The following SASH1 variants were observed in gnomAD, a reference collection of about 807,000 sequenced individuals.
SASH1 encodes SAM and SH3 domain-containing protein 1.
In SASH1, 44 loss-of-function variants were observed where a neutral mutation model predicts 125.2. The observed-to-expected ratio is 0.35, with a 90% CI of 0.28 to 0.45. SASH1 has a LOEUF of 0.45. SASH1 is among the 20% of genes least tolerant of loss of function. The pLI is 1.00. For synonymous variants in SASH1, 639 were observed against 649.1 expected, an observed-to-expected ratio of 0.98 and a Z score of 0.24; for missense variants, 1,426 against 1,614.5, an observed-to-expected ratio of 0.88 and a Z score of 2.00.
In SASH1 at chr6:148,552,006, A is replaced by G. The variant is rs1782895223; in HGVS notation, c.*3448A>G. ...AAACTTGTCTATAATTATGTCATCT[A>G]TGTACCTAGAAAAAAGTAAATAAAT... On this transcript the variant is annotated 3_prime_UTR_variant, in exon 20 of 20. Transcript: ENST00000367467. The G allele has an allele frequency of 6.6e-6, 1 of 152,664 alleles. No individual in the cohort carries two copies. The highest frequency in any genetic ancestry group is 1.5e-5 in the Non-Finnish European group (1 of 68,042). 9.5% of individuals were successfully genotyped at this position (152,664 alleles called of 1,614,324 possible).
At chr6:148,491,028 C>T (rs1271897165) in intron 8 of SASH1, among the ~76,000 whole-genome samples, 1 of 152,212 alleles carries the variant, frequency 6.6e-6, no homozygotes, top group Non-Finnish European at 1.5e-5. Context: ...GTTCCTTGCT[C>T]TCTGAAACTT....
At chr6:148,304,148 C>CA (rs1283491218) in intron 1 of SASH1, among the ~76,000 whole-genome samples, 4 of 151,804 alleles carry the variant, frequency 2.6e-5, no homozygotes, top group African/African-American at 4.8e-5. Flanking sequence ...GCTAAAAATA[C>CA]AAAAAAATGG....
rs962915979 is a variant in SASH1, at chr6:148,336,266, A to G, written n.75-53868A>G. Among the ~76,000 whole-genome samples the G allele has an allele frequency of 9.6e-5, 13 of 134,844 alleles. No homozygotes were observed. The East Asian group carries it at 2.9e-3, about 30-fold the overall frequency. The allele number at this position is 134,844 out of a possible 152,430, so 88.5% of individuals were successfully genotyped here. A position where few individuals can be genotyped will look rare whatever the true frequency, so the allele number is the denominator to read the frequency against. On this transcript the variant is annotated intron_variant and non_coding_transcript_variant, in intron 1 of 3. Transcript: ENST00000367469. ...TCTCGGCTCACTGCGAGCTCTACCT[A>G]CCTGGTTCAAGAGATTCTCCTGCCT...
intron 2 of SASH1, among the ~76,000 whole-genome samples, chr6:148,396,932 C>T (rs1207743528): frequency 2.0e-5 from 3 of 152,230 alleles, no homozygotes; most frequent in South Asian, 2.1e-4. Flanking sequence ...GATTTCTTTC[C>T]GTTCCTTTCT....
chr6:148,408,698 T>C (rs1177230584), intron 2 of SASH1, among the ~76,000 whole-genome samples: 1 of 152,238 alleles, frequency 6.6e-6, no homozygotes, highest in African/African-American at 2.4e-5. Context: ...GTTTATTCTT[T>C]TGTTGCCTGT....
At chr6:148,498,610 A>AGT (rs1583258366) in intron 8 of SASH1, among the ~76,000 whole-genome samples, 1 of 152,208 alleles carries the variant, frequency 6.6e-6, no homozygotes, top group East Asian at 1.9e-4. Context: ...GACCTATAAA[A>AGT]GTGGTGATTT....
chr6:148,454,995 A>G (rs1407190771), intron 4 of SASH1, among the ~76,000 whole-genome samples: 1 of 152,174 alleles, frequency 6.6e-6, no homozygotes, highest in African/African-American at 2.4e-5. Flanking sequence ...CACTTGTTTT[A>G]TCGTATTACT....
chr6:148,512,645 T>G (rs1780212162), intron 8 of SASH1: 1 of 983,708 alleles, frequency 1.0e-6, no homozygotes, highest in African/African-American at 1.7e-5. Flanking sequence ...ATATTTTTAG[T>G]TTTAAGCCTA....
intron 8 of SASH1, among the ~76,000 whole-genome samples, chr6:148,510,333 G>A (rs992312582): frequency 2.0e-5 from 3 of 152,174 alleles, no homozygotes; most frequent in Admixed American, 1.3e-4. Flanking sequence ...AAGGTTTTCT[G>A]GTGAGGAGCT....
intron 1 of SASH1, among the ~76,000 whole-genome samples, chr6:148,315,777 G>A (rs7451122): frequency 0.28 from 42,485 of 151,942 alleles, 6,170 homozygotes; most frequent in African/African-American, 0.38. Flanking sequence ...GGTGGTGCAC[G>A]CTTGTAGTCC....
chr6:148,437,180 A>AT (rs1776327579), intron 2 of SASH1, among the ~76,000 whole-genome samples: 1 of 152,216 alleles, frequency 6.6e-6, no homozygotes, highest in South Asian at 2.1e-4. Context: ...GTGTTATAAT[A>AT]ACGGAATTTT....
chr6:148,474,259 C>T (rs1453192375), intron 7 of SASH1, 37 bp downstream of exon 7: 2 of 1,323,600 alleles, frequency 1.5e-6, no homozygotes, highest in East Asian at 2.5e-5. Context: ...TTTGTGAGGA[C>T]TTGACTTTCT....
At chr6:148,387,636 CTTTCTTTCTTTCTTTCTT>C (rs1783497368) in intron 1 of SASH1, among the ~76,000 whole-genome samples, 1 of 37,844 alleles carries the variant, frequency 2.6e-5, no homozygotes, top group African/African-American at 9.1e-5. Flanking sequence ...TTCTTTCTTT[CTTTCTTTCTTTCTTTCTT>C]TCTTTCTTTC....
chr6:148,210,477 G>A, the SASH1 span, among the ~76,000 whole-genome samples: 11 of 152,224 alleles, frequency 7.2e-5, no homozygotes, highest in African/African-American at 2.7e-4. Flanking sequence ...AGGTTGCAGT[G>A]AGCCAAGATC....
intron 1 of SASH1, chr6:148,380,060 C>A: frequency 2.2e-6 from 1 of 446,488 alleles, no homozygotes. Context: ...CACCAAGAAA[C>A]AGTTGCTTCA....
chr6:148,439,785 A>G lies in SASH1; in HGVS notation c.286-399A>G, dbSNP rs572501982. ...AGCTAGACTCTGTCTCAAAAAAAAA[A>G]AAAATTGGATTGGAAGTCTAGTGTC... On this transcript the variant is annotated intron_variant, in intron 2 of 19. Coordinates refer to ENST00000367467, the MANE Select transcript of SASH1 (RefSeq NM_015278.5). Among the ~76,000 whole-genome samples the G allele has an allele frequency of 3.9e-5, 6 of 152,162 alleles. No individual in the cohort carries two copies. The South Asian group carries it at 1.2e-3, about 32-fold the overall frequency.
chr6:148,310,814 A>T (rs760697823), intron 1 of SASH1, among the ~76,000 whole-genome samples: 14 of 151,544 alleles, frequency 9.2e-5, no homozygotes, highest in Middle Eastern at 3.4e-3. Flanking sequence ...AATGACTTTT[A>T]AAAAAAAAGG....
intron 1 of SASH1, among the ~76,000 whole-genome samples, chr6:148,288,982 C>T (rs543609111): frequency 5.1e-4 from 78 of 152,086 alleles, no homozygotes; most frequent in African/African-American, 1.9e-3. Flanking sequence ...ATGCCTGTGC[C>T]CTTTTTCTTT....
chr6:148,411,431 G>A (rs1020940752), intron 2 of SASH1, among the ~76,000 whole-genome samples: 3 of 152,118 alleles, frequency 2.0e-5, no homozygotes, highest in African/African-American at 7.2e-5. Flanking sequence ...AACATATATT[G>A]AATCCTCAGC....
Sources: gnomAD v4.1 joint callset for allele counts (sites outside exome capture counted in the v4.1 genomes callset) on GRCh38, gnomAD v4.1.1 for gene constraint, MANE v1.5 for transcripts, NCBI Gene and HGNC (gene_info 2026-07-23, HGNC 2026-07-21) for gene names.